The following TRAPPC9 variants were observed in gnomAD, a reference collection of about 807,000 sequenced individuals.
TRAPPC9 encodes the protein trafficking protein particle complex subunit 9.
Under a neutral mutation model 124.0 loss-of-function variants are expected in TRAPPC9, and 83 were observed. The observed-to-expected ratio is 0.67, with a 90% CI of 0.56 to 0.80. The LOEUF is 0.80. TRAPPC9 is among the 30% of genes least tolerant of loss of function. The probability of loss-of-function intolerance (pLI) is 0.00; values close to 1 mark genes in which losing one functional copy is unlikely to be tolerated. For synonymous variants in TRAPPC9, 638 were observed against 617.5 expected, an observed-to-expected ratio of 1.03 and a Z score of -0.49; for missense variants, 1,302 against 1,508.3, an observed-to-expected ratio of 0.86 and a Z score of 2.27.
intron 18 of TRAPPC9, among the ~76,000 whole-genome samples, chr8:140,009,315 G>A (rs992502059): frequency 6.6e-6 from 1 of 152,206 alleles, no homozygotes; most frequent in Non-Finnish European, 1.5e-5. Flanking sequence ...CAGGACAAAT[G>A]AGCACTGGCC....
intron 9 of TRAPPC9, among the ~76,000 whole-genome samples, chr8:140,348,552 A>C (rs2067418086): frequency 6.6e-6 from 1 of 152,138 alleles, no homozygotes; most frequent in Non-Finnish European, 1.5e-5. Context: ...CAAAGACCTA[A>C]AGATGTTCAC....
chr8:140,402,611 A>G (rs986866104), intron 6 of TRAPPC9, among the ~76,000 whole-genome samples: 3 of 150,470 alleles, frequency 2.0e-5, no homozygotes, highest in African/African-American at 7.4e-5. Flanking sequence ...TGGGGGGATC[A>G]CCTGAACCTG....
rs548866382 is a variant in TRAPPC9 at position 140,072,059 on chromosome 8, G to C, written c.2557-47980C>G. Among the ~76,000 whole-genome samples the C allele has an allele frequency of 3.4e-4, 52 of 152,292 alleles. 1 individual carries two copies. Among genetic ancestry groups the C allele is most frequent in the East Asian group, 1.7e-3 (9 of 5,188 alleles). ...GCAGCTGTCAAGAGTTTGGAGTAGG[G>C]GCCAGGGTTGCCTACAAGGCAGTAT... is the stretch of plus-strand genomic sequence containing the variant. On this transcript the variant is annotated intron_variant, in intron 17 of 22. Coordinates refer to ENST00000438773, the MANE Select transcript of TRAPPC9 (RefSeq NM_001160372.4).
intron 17 of TRAPPC9, among the ~76,000 whole-genome samples, chr8:140,181,973 T>G (rs1587870026): frequency 6.6e-6 from 1 of 152,146 alleles, no homozygotes; most frequent in African/African-American, 2.4e-5. Context: ...ATGGCATGCT[T>G]CCCTGCCTCT....
At chr8:140,296,304 AC>A (rs2065802496) in intron 11 of TRAPPC9, among the ~76,000 whole-genome samples, 2 of 152,138 alleles carry the variant, frequency 1.3e-5, no homozygotes, top group Non-Finnish European at 2.9e-5. Context: ...TTGCTCTGTC[AC>A]CCAGGCTGGA....
At chr8:140,179,980 T>G (rs2062158897) in intron 17 of TRAPPC9, among the ~76,000 whole-genome samples, 1 of 147,572 alleles carries the variant, frequency 6.8e-6, no homozygotes, top group South Asian at 2.1e-4. Flanking sequence ...AAACAATTTA[T>G]AGTTATATCT....
intron 17 of TRAPPC9, among the ~76,000 whole-genome samples, chr8:140,220,123 G>A (rs2063301379): frequency 6.6e-6 from 1 of 152,192 alleles, no homozygotes; most frequent in South Asian, 2.1e-4. Context: ...ACGAAGGTAA[G>A]TCAAGGCAAG....
At chr8:140,021,644 G>A (rs1252409834) in intron 18 of TRAPPC9, among the ~76,000 whole-genome samples, 3 of 152,118 alleles carry the variant, frequency 2.0e-5, no homozygotes, top group Admixed American at 1.3e-4. Flanking sequence ...TGCTCCATTT[G>A]TCTCTTAAAC....
At chr8:140,132,792 C>CGGAGGA (rs56024663) in intron 17 of TRAPPC9, among the ~76,000 whole-genome samples, 104,794 of 150,240 alleles carry the variant, frequency 0.7, 37,226 homozygotes, top group African/African-American at 0.82. Flanking sequence ...GAGGCCAAGT[C>CGGAGGA]GGAGGAGGAG....
intron 21 of TRAPPC9, among the ~76,000 whole-genome samples, chr8:139,868,433 G>A (rs1224777486): frequency 6.6e-6 from 1 of 152,224 alleles, no homozygotes; most frequent in Non-Finnish European, 1.5e-5. Context: ...GCAAGTTTGT[G>A]CATGATATTA....
chr8:140,257,045 G>T lies in TRAPPC9; in HGVS notation c.2279-4116C>A, dbSNP rs961090436. 2.0e-5 allele frequency among the ~76,000 whole-genome samples: 3 copies of T among 152,150 alleles called. No homozygotes were observed. Among genetic ancestry groups the T allele is most frequent in the Admixed American group, 2.0e-4 (3 of 15,284 alleles). The stretch of plus-strand genomic sequence containing the variant: ...TCAGGTGTCTGAGCTCTCCCTCTGT[G>T]CCAGGCACTGTCTGAAGTTCATATG... On this transcript the variant is annotated intron_variant, in intron 15 of 22. Coordinates refer to ENST00000438773, the MANE Select transcript of TRAPPC9 (RefSeq NM_001160372.4). The surrounding 1 kb of genome is among the most constrained non-coding windows in gnomAD (Gnocchi z 4.6).
At chr8:140,202,041 A>G (rs2062804170) in intron 17 of TRAPPC9, among the ~76,000 whole-genome samples, 1 of 152,186 alleles carries the variant, frequency 6.6e-6, no homozygotes, top group South Asian at 2.1e-4. Flanking sequence ...CACCACAACA[A>G]TGCCATTTAT....
chr8:140,045,753 C>T (rs1336187426), intron 17 of TRAPPC9, among the ~76,000 whole-genome samples: 2 of 151,280 alleles, frequency 1.3e-5, no homozygotes, highest in Non-Finnish European at 2.9e-5. Flanking sequence ...ATGAAACCCA[C>T]AGTGTCCAAG....
In TRAPPC9 at chr8:139,730,141, C is replaced by T. The variant is rs1255133184; in HGVS notation, c.*920G>A. Among the ~76,000 whole-genome samples the T allele has an allele frequency of 5.9e-5, 9 of 152,326 alleles. No individual in the cohort carries two copies. Among genetic ancestry groups the T allele is most frequent in the Non-Finnish European group, 8.8e-5 (6 of 68,032 alleles). On this transcript the variant is annotated 3_prime_UTR_variant, in exon 23 of 23. Coordinates refer to ENST00000438773, the MANE Select transcript of TRAPPC9 (RefSeq NM_001160372.4). ...ACTCCTTCACTGGTGATCTCCCTCC[C>T]CTGCAGGCCTCCTTCCACCTCCCAG...
chr8:140,048,338 G>C (rs924172913), intron 17 of TRAPPC9, among the ~76,000 whole-genome samples: 2 of 152,176 alleles, frequency 1.3e-5, no homozygotes, highest in Admixed American at 1.3e-4. Flanking sequence ...CACTCAGATG[G>C]CATAAAGACA....
intron 21 of TRAPPC9, among the ~76,000 whole-genome samples, chr8:139,816,859 C>T (rs763484524): frequency 5.3e-5 from 8 of 152,054 alleles, no homozygotes; most frequent in African/African-American, 1.7e-4. Flanking sequence ...ACCAAACTCA[C>T]GGCCCGCCCT....
chr8:140,344,588 G>A (rs1328892917), intron 9 of TRAPPC9, among the ~76,000 whole-genome samples: 3 of 152,346 alleles, frequency 2.0e-5, no homozygotes, highest in South Asian at 4.1e-4. Context: ...CAGAACTGAG[G>A]TGCACAGAAA....
chr8:140,440,133 A>C (rs1024443052), intron 2 of TRAPPC9, among the ~76,000 whole-genome samples: 1 of 152,176 alleles, frequency 6.6e-6, no homozygotes, highest in African/African-American at 2.4e-5. Context: ...AAGAAAAAGA[A>C]ACGCCAGCCT....
intron 9 of TRAPPC9, 82 bp downstream of exon 9, chr8:140,359,968 C>A: frequency 6.2e-7 from 1 of 1,601,720 alleles, no homozygotes; most frequent in Non-Finnish European, 8.5e-7. Context: ...AAACCCAAGC[C>A]CAGGGTTTAC....
Sources: allele counts gnomAD v4.1 joint callset (sites outside exome capture counted in the v4.1 genomes callset), GRCh38; gene constraint gnomAD v4.1.1; non-coding constraint Gnocchi (gnomAD v3.1); transcripts MANE v1.5; gene names NCBI Gene and HGNC (gene_info 2026-07-23, HGNC 2026-07-21).